Variants in RIMBP2 observed in about 807,000 individuals in gnomAD.
The protein encoded by RIMBP2 is RIMS-binding protein 2.
RIMBP2 carries 48 observed loss-of-function variants against 118.6 expected under a neutral mutation model. The observed-to-expected ratio is 0.40, with a 90% CI of 0.32 to 0.51. The LOEUF is 0.51. Ranked by LOEUF, RIMBP2 falls within the 20% of genes least tolerant of loss-of-function variation. The pLI is 0.41. For synonymous variants in RIMBP2, 762 were observed against 742.9 expected (o/e 1.03, Z -0.42); for missense variants, 1,551 against 1,768.3 (o/e 0.88, Z 2.20).
chr12:130,470,852 C>G (rs772612979), intron 5 of RIMBP2, 109 bp from the exon 6 acceptor site: 2 of 518,778 alleles, frequency 3.9e-6, no homozygotes, highest in Non-Finnish European at 5.9e-6. Flanking sequence ...TTTTATTCCT[C>G]TAATAGAGGA....
chr12:130,482,753 A>G (rs560538578), intron 4 of RIMBP2, among the ~76,000 whole-genome samples: 22 of 149,988 alleles, frequency 1.5e-4, no homozygotes, highest in Non-Finnish European at 2.7e-4. Context: ...TTGTGTGTGT[A>G]CATGTGTCAG....
rs748564788 is a variant in RIMBP2 at position 130,434,844 on chromosome 12, C to T, written c.2143G>A (p.Ala715Thr). The change falls in exon 14 of 23, where the codon GCG becomes ACG. Residue 715 changes from alanine (A) to threonine (T), a missense_variant. By Grantham distance (58) the Ala-to-Thr change is moderately conservative (BLOSUM62 0). Around this residue, in one of 5 missense-constraint regions of RIMBP2, gnomAD observed 1,038 missense variants for 1,125.1 expected, o/e 0.92. Transcript: ENST00000690449. This position sits in a 1 kb window ranked among gnomAD's most constrained non-coding sequence, Gnocchi z 5.7. Reference protein sequence around the residue: ...KRSVFLERSSAGQYAASDEED... With the variant: ...KRSVFLERSSTGQYAASDEED... Reference sequence around the variant, plus strand: ...TCGTCTGAGGCGGCGTACTGCCCCGCGCTGCTTCTCTCTAGGAAGACGCTC... The same window carrying T: ...TCGTCTGAGGCGGCGTACTGCCCCGTGCTGCTTCTCTCTAGGAAGACGCTC... 2.1e-5 allele frequency: 34 copies of T among 1,612,728 alleles called. No individual in the cohort carries two copies. The highest frequency in any genetic ancestry group is 6.7e-5 in the Admixed American group (4 of 59,858).
chr12:130,618,719 T>G (rs1277456053), intron 2 of RIMBP2, among the ~76,000 whole-genome samples: 1 of 152,180 alleles, frequency 6.6e-6, no homozygotes, highest in Non-Finnish European at 1.5e-5. Context: ...GACGGAAACA[T>G]CTTTATAGCT....
intron 1 of RIMBP2, among the ~76,000 whole-genome samples, chr12:130,650,516 G>A (rs1380362486): frequency 4.6e-5 from 7 of 152,266 alleles, no homozygotes; most frequent in Non-Finnish European, 7.3e-5. Context: ...CCCAGTCACA[G>A]GGGCCTGCCC....
chr12:130,525,257 G>A lies in RIMBP2; in HGVS notation c.-216-7340C>T, dbSNP rs527851987. On this transcript the variant is annotated intron_variant, in intron 2 of 22. Transcript: ENST00000690449. This position sits in a 1 kb window ranked among gnomAD's most constrained non-coding sequence, Gnocchi z 4.4. ...GACCAGAGCCTTGAGAGTGGGGACC[G>A]GCAGGTCAGCTACTGCCCAGAAGCC... 6.6e-5 allele frequency among the ~76,000 whole-genome samples: 10 copies of A among 152,318 alleles called. No individual in the cohort carries two copies. Among genetic ancestry groups the A allele is most frequent in the Admixed American group, 3.9e-4 (6 of 15,312 alleles).
In RIMBP2 at chr12:130,694,832, C is replaced by T. The variant is rs541178633; in HGVS notation, c.-352+21390G>A. 5.3e-5 allele frequency among the ~76,000 whole-genome samples: 8 copies of T among 152,324 alleles called. No homozygotes were observed. The South Asian group carries it at 1.0e-3, about 20-fold the overall frequency. ...GAAAGGGAAGAAGCCACATTGGACA[C>T]GCGGACAGCCATGTTCTTAGCCCTT... On this transcript the variant is annotated intron_variant, in intron 1 of 22. Transcript: ENST00000690449.
intron 1 of RIMBP2, among the ~76,000 whole-genome samples, chr12:130,702,862 A>G (rs2065926563): frequency 6.6e-6 from 1 of 152,152 alleles, no homozygotes; most frequent in Non-Finnish European, 1.5e-5. Flanking sequence ...TTTCTCATCC[A>G]TAAAACTGGA....
At chr12:130,632,560 C>T (rs535618548) in intron 1 of RIMBP2, among the ~76,000 whole-genome samples, 27 of 152,294 alleles carry the variant, frequency 1.8e-4, no homozygotes, top group African/African-American at 6.0e-4. Context: ...TTCAACCACC[C>T]TGTTCTCTTT....
chr12:130,588,350 T>C (rs1385522420), intron 2 of RIMBP2, among the ~76,000 whole-genome samples: 2 of 152,216 alleles, frequency 1.3e-5, no homozygotes, highest in Non-Finnish European at 2.9e-5. Flanking sequence ...TCAATTCACT[T>C]TAACATTTTC....
chr12:130,495,798 C>A (rs1382753988), intron 4 of RIMBP2, among the ~76,000 whole-genome samples: 1 of 152,172 alleles, frequency 6.6e-6, no homozygotes, highest in Admixed American at 6.5e-5. Context: ...ATGCTTTGAA[C>A]CCTTACATCT....
At position 130,648,723 on chromosome 12, in the gene RIMBP2, C is replaced by T. The variant is rs147467297; in HGVS notation, c.-351-20267G>A. Among the ~76,000 whole-genome samples, 173 of 141,338 alleles carry T rather than the reference C, an allele frequency of 1.2e-3. 9 individuals carry two copies. The highest frequency in any genetic ancestry group is 3.9e-3 in the African/African-American group (154 of 39,716). 92.7% of individuals were successfully genotyped at this position (141,338 alleles called of 152,430 possible). A position where few individuals can be genotyped will look rare whatever the true frequency, so the allele number is the denominator to read the frequency against. On this transcript the variant is annotated intron_variant, in intron 1 of 22. Transcript: ENST00000690449. ...CCAGGCTGGAGTGCAGTGGCGCGAT[C>T]TCGGCTCACCGCAACCTCCGCCTCC...
intron 2 of RIMBP2, among the ~76,000 whole-genome samples, chr12:130,556,268 C>G (rs1197817867): frequency 6.6e-6 from 1 of 152,210 alleles, no homozygotes; most frequent in South Asian, 2.1e-4. Flanking sequence ...GTGGCCCAGA[C>G]CTTCCCCTCA....
At chr12:130,561,516 A>G (rs2056822663) in intron 2 of RIMBP2, among the ~76,000 whole-genome samples, 1 of 152,104 alleles carries the variant, frequency 6.6e-6, no homozygotes, top group Non-Finnish European at 1.5e-5. Context: ...AGGAGTTTGT[A>G]AGCCTCTTTC....
intron 1 of RIMBP2, among the ~76,000 whole-genome samples, chr12:130,686,644 C>T (rs2065059744): frequency 6.6e-6 from 1 of 152,234 alleles, no homozygotes; most frequent in Non-Finnish European, 1.5e-5. Flanking sequence ...GCCGTGCTGG[C>T]CCCGGGCCAC....
intron 1 of RIMBP2, among the ~76,000 whole-genome samples, chr12:130,705,443 A>G (rs547546694): frequency 4.1e-4 from 62 of 152,090 alleles, no homozygotes; most frequent in Non-Finnish European, 6.8e-4. Flanking sequence ...CCCATTTGTC[A>G]TGTCCGTGAC....
At position 130,588,233 on chromosome 12, in the gene RIMBP2, T is replaced by G. The variant is rs573880771; in HGVS notation, c.-217+40089A>C. ...TCCAGCCCCTTCTCATGCTCTGAGC[T>G]TCATTTATGAGTATTCCCCAACCCA... is the stretch of plus-strand genomic sequence containing the variant. On this transcript the variant is annotated intron_variant, in intron 2 of 22. Transcript: ENST00000690449. Among the ~76,000 whole-genome samples the G allele has an allele frequency of 2.0e-5, 3 of 152,316 alleles. No homozygotes were observed. The South Asian group carries it at 6.2e-4, about 32-fold the overall frequency.
chr12:130,482,882 T>C (rs1203315408), intron 4 of RIMBP2, among the ~76,000 whole-genome samples: 1 of 110,800 alleles, frequency 9.0e-6, no homozygotes. Context: ...TGTGTACATG[T>C]GTCAGATTCT....
At chr12:130,438,167 G>A (rs920289441) in intron 12 of RIMBP2, among the ~76,000 whole-genome samples, 198 bp downstream of exon 12, 2 of 152,192 alleles carry the variant, frequency 1.3e-5, no homozygotes, top group African/African-American at 2.4e-5. Flanking sequence ...GATGAGTGAG[G>A]GGAGCGAGAT....
At chr12:130,512,988 GA>G (rs1437759812) in intron 3 of RIMBP2, among the ~76,000 whole-genome samples, 4 of 151,816 alleles carry the variant, frequency 2.6e-5, no homozygotes, top group South Asian at 2.1e-4. Context: ...TTTTTACTAG[GA>G]AAAAAAATGT....
Sources: allele counts gnomAD v4.1 joint callset (sites outside exome capture counted in the v4.1 genomes callset), GRCh38; gene constraint gnomAD v4.1.1; regional missense constraint gnomAD v4.1.1; non-coding constraint Gnocchi (gnomAD v3.1); transcripts MANE v1.5; gene names NCBI Gene and HGNC (gene_info 2026-07-23, HGNC 2026-07-21).